MROH2B: variants seen among roughly 807,000 people sequenced by gnomAD.
MROH2B encodes the protein maestro heat-like repeat-containing protein family member 2B.
MROH2B carries 177 observed loss-of-function variants against 208.6 expected under a neutral mutation model. That is an observed-to-expected ratio of 0.85 (90% CI 0.75 to 0.96). The LOEUF is 0.96. Among genes scored for constraint, MROH2B ranks in the 40% least tolerant of loss-of-function variants. The probability of loss-of-function intolerance (pLI) is 0.00; values close to 1 mark genes in which losing one functional copy is unlikely to be tolerated. For missense variants in MROH2B, 2,002 were observed against 1,878.7 expected (o/e 1.07, Z -1.21); for synonymous variants, 728 against 659.0 (o/e 1.10, Z -1.60).
At chr5:41,048,550 T>A in intron 15 of MROH2B, 85 bp from the exon 16 acceptor site, 5 of 1,364,414 alleles carry the variant, frequency 3.7e-6, no homozygotes, top group Non-Finnish European at 4.9e-6. Context: ...ATTGTTCCAA[T>A]TCCTTTGATT....
intron 18 of MROH2B, 37 bp downstream of exon 18, chr5:41,045,709 G>T: frequency 6.6e-7 from 1 of 1,521,274 alleles, no homozygotes; most frequent in Non-Finnish European, 9.1e-7. Context: ...TGGATCATAG[G>T]TAAAAGCTAA....
At chr5:41,039,628 T>A in intron 19 of MROH2B, 73 bp from the exon 20 acceptor site, 5 of 1,036,636 alleles carry the variant, frequency 4.8e-6, no homozygotes, top group Non-Finnish European at 7.0e-6. Flanking sequence ...TGAGCACCTA[T>A]TATGTGCCAG....
intron 38 of MROH2B, 134 bp downstream of exon 38, chr5:41,000,544 T>C (rs1741363141): frequency 7.5e-7 from 1 of 1,340,350 alleles, no homozygotes; most frequent in Non-Finnish European, 1.0e-6. Context: ...AACCTAGAAT[T>C]GGAGAAGAGG....
intron 39 of MROH2B, chr5:40,999,985 T>C: frequency 4.4e-6 from 3 of 687,842 alleles, no homozygotes; most frequent in East Asian, 2.7e-5. Flanking sequence ...TCAACAGATA[T>C]GAATTTTAGG....
rs374105822 is a variant in MROH2B at position 40,998,134 on chromosome 5, G to A, written c.4676C>T (p.Pro1559Leu). The change falls in exon 42 of 42, where the codon CCG becomes CTG. Residue 1559 changes from proline to leucine, a missense_variant. Pro to Leu is a moderately conservative substitution (Grantham distance 98). Coordinates refer to ENST00000399564, the MANE Select transcript of MROH2B (RefSeq NM_173489.5). The part of the protein sequence containing the change: ...TTRLQALRQD[P>L]CISVQRAAEA... ...AGCTGCTCTCTGGACACTAATACAC[G>A]GATCTTGACGAAGTGCTTGGAGTCC... 4.5e-5 allele frequency: 73 copies of A among 1,611,550 alleles called. No individual in the cohort carries two copies. The East Asian group carries it at 5.6e-4, about 12-fold the overall frequency.
chr5:41,055,690 G>T, intron 10 of MROH2B, 52 bp downstream of exon 10: 3 of 1,386,874 alleles, frequency 2.2e-6, no homozygotes, highest in Non-Finnish European at 3.1e-6. Flanking sequence ...ATAGGCTTCA[G>T]TCTGCTTCTT....
intron 12 of MROH2B, among the ~76,000 whole-genome samples, chr5:41,051,908 T>A (rs2150176705): frequency 6.6e-6 from 1 of 152,346 alleles, no homozygotes; most frequent in East Asian, 1.9e-4. Context: ...GATACATTTC[T>A]GTTTGTGTAC....
At chr5:41,054,441 T>G (rs545606450) in intron 11 of MROH2B, among the ~76,000 whole-genome samples, 1 of 152,212 alleles carries the variant, frequency 6.6e-6, no homozygotes, top group Non-Finnish European at 1.5e-5. Context: ...AACAAGTAAT[T>G]TTTAAACTAT....
In MROH2B at chr5:41,015,364, C is replaced by T. The variant is rs777183892; in HGVS notation, c.2982+17G>A. 1.2e-6 allele frequency: 2 copies of T among 1,603,472 alleles called. No individual in the cohort carries two copies. Among genetic ancestry groups the T allele is most frequent in the African/African-American group, 1.3e-5 (1 of 74,714 alleles). The stretch of plus-strand genomic sequence containing the variant: ...ATCCAGAATCTTTACATCCCCTGGC[C>T]ACTCCATATTTATTACCTTAGCTAT... On this transcript the variant is annotated intron_variant, in intron 29 of 41. Transcript: ENST00000399564.
chr5:41,063,954 T>C (rs977082551), intron 5 of MROH2B, among the ~76,000 whole-genome samples: 15 of 152,266 alleles, frequency 9.9e-5, no homozygotes, highest in African/African-American at 3.1e-4. Context: ...TTCTTGATTT[T>C]ATGATTGCTT....
intron 29 of MROH2B, 114 bp from the exon 30 acceptor site, chr5:41,012,849 C>G: frequency 7.5e-6 from 10 of 1,324,606 alleles, no homozygotes; most frequent in Non-Finnish European, 1.0e-5. Context: ...AACTTTTCAA[C>G]AGTTTTGATT....
chr5:41,049,313 C>T lies in MROH2B; in HGVS notation c.1468G>A (p.Glu490Lys), dbSNP rs377405961. The T allele has an allele frequency of 1.9e-6, 3 of 1,613,626 alleles. No homozygotes were observed. Among genetic ancestry groups the T allele is most frequent in the Admixed American group, 1.7e-5 (1 of 59,944 alleles). ...GTAGAGACGACAAGTGCTGTCGACT[C>T]CTTGGCACTGTGCTGCTTCTTCTCC... ...AEEKKQHSAK[E>K]STALVVSTGA... is the part of the protein sequence containing the mutation. The change falls in exon 14 of 42, where the codon GAG becomes AAG. Residue 490 changes from glutamate (E) to lysine (K), a missense_variant. Physicochemically the swap from Glu to Lys is moderately conservative, Grantham distance 56. Coordinates refer to ENST00000399564, the MANE Select transcript of MROH2B (RefSeq NM_173489.5).
rs994789384 is a variant in MROH2B, at chr5:41,034,103, C to T, written c.2215-239G>A. 16 of 980,968 alleles carry T rather than the reference C, an allele frequency of 1.6e-5. No homozygotes were observed. The African/African-American group carries it at 2.5e-4, about 15-fold the overall frequency. 60.8% of individuals were successfully genotyped at this position (980,968 alleles called of 1,614,324 possible). On this transcript the variant is annotated intron_variant, in intron 21 of 41. Transcript: ENST00000399564. Reference sequence around the variant, plus strand: ...TAAGTCATGAGTAAGCTGCAGAAGGCAGGGTAGAGACTTCGAGTCTTGTGT... The same window carrying T: ...TAAGTCATGAGTAAGCTGCAGAAGGTAGGGTAGAGACTTCGAGTCTTGTGT...
chr5:41,008,082 G>T (rs1741652369), intron 33 of MROH2B, among the ~76,000 whole-genome samples: 2 of 152,156 alleles, frequency 1.3e-5, no homozygotes, highest in Admixed American at 1.3e-4. Flanking sequence ...GATATGAAAT[G>T]AAAATTCATA....
intron 23 of MROH2B, 63 bp downstream of exon 23, chr5:41,032,978 T>C (rs995155605): frequency 2.4e-5 from 39 of 1,598,630 alleles, no homozygotes; most frequent in Non-Finnish European, 2.4e-5. Flanking sequence ...TTTAAAAAGA[T>C]AGCCCTGAAC....
At chr5:40,998,574 G>A (rs1741283207) in intron 41 of MROH2B, 38 bp downstream of exon 41, 2 of 1,511,638 alleles carry the variant, frequency 1.3e-6, no homozygotes, top group Non-Finnish European at 1.8e-6. Context: ...TCCTAAGAAT[G>A]TAACAATATG....
chr5:41,012,731 A>G lies in MROH2B; in HGVS notation c.2987T>C (p.Val996Ala). ...IKISSKIAKI[V>A]SKFIPNEEIL... ...TTCTTCATTTGGGATGAACTTACTG[A>G]CAATCTGAAAATGCACCCAGAAAGA... Residue 996 changes from valine (V) to alanine (A), a missense_variant, in exon 30 of 42, where the codon GTC becomes GCC. Val to Ala is a moderately conservative substitution (Grantham distance 64, BLOSUM62 0). Coordinates refer to ENST00000399564, the MANE Select transcript of MROH2B (RefSeq NM_173489.5). The G allele has an allele frequency of 1.2e-6, 2 of 1,613,262 alleles. No individual in the cohort carries two copies. Among genetic ancestry groups the G allele is most frequent in the Non-Finnish European group, 1.7e-6 (2 of 1,179,610 alleles).
intron 26 of MROH2B, 113 bp downstream of exon 26, chr5:41,018,578 G>C: frequency 7.1e-7 from 1 of 1,417,358 alleles, no homozygotes; most frequent in Non-Finnish European, 9.7e-7. Flanking sequence ...TGTGGGGTGT[G>C]GGTGGGTCCA....
intron 22 of MROH2B, 58 bp downstream of exon 22, chr5:41,033,780 A>ATTAT (rs1371422907): frequency 1.4e-6 from 1 of 738,170 alleles, no homozygotes; most frequent in Non-Finnish European, 2.1e-6. Context: ...TCAGGGGGGC[A>ATTAT]TTATCTATCT....
Sources: gnomAD v4.1 joint callset for allele counts (sites outside exome capture counted in the v4.1 genomes callset) on GRCh38, gnomAD v4.1.1 for gene constraint, MANE v1.5 for transcripts, NCBI Gene and HGNC (gene_info 2026-07-23, HGNC 2026-07-21) for gene names.